Variants in HS3ST1 observed in about 807,000 individuals in gnomAD.
The protein encoded by HS3ST1 is heparan sulfate glucosamine 3-O-sulfotransferase 1.
Under a neutral mutation model 20.7 loss-of-function variants are expected in HS3ST1, and 8 were observed. The ratio of observed to expected loss-of-function variants is 0.39; its 90% CI spans 0.23 to 0.70. The LOEUF is 0.70. Among genes scored for constraint, HS3ST1 ranks in the 30% least tolerant of loss-of-function variants. The pLI is 0.46. For missense variants in HS3ST1, 436 were observed against 423.4 expected, an observed-to-expected ratio of 1.03 and a Z score of -0.26; for synonymous variants, 205 against 190.4, an observed-to-expected ratio of 1.08 and a Z score of -0.63.
chr4:11,417,206 T>A (rs1013123579), intron 1 of HS3ST1, among the ~76,000 whole-genome samples: 2 of 152,206 alleles, frequency 1.3e-5, no homozygotes, highest in Non-Finnish European at 2.9e-5. Flanking sequence ...TTAAACATTC[T>A]AAGTTAATCA....
chr4:11,400,062 A>C lies in HS3ST1; in HGVS notation c.-57T>G. On this transcript the variant is annotated 5_prime_UTR_variant, in exon 2 of 2. Transcript: ENST00000002596. ...GCGCCGCTGGGTCATGAAGTGCCGC[A>C]GCAGGGAAGCCTCCTAGTCAGTGGC... is the stretch of plus-strand genomic sequence containing the variant. 1 of 1,437,958 alleles carries C rather than the reference A, an allele frequency of 7.0e-7. No homozygotes were observed. Among genetic ancestry groups the C allele is most frequent in the Non-Finnish European group, 9.1e-7 (1 of 1,099,850 alleles). 89.1% of individuals were successfully genotyped at this position (1,437,958 alleles called of 1,614,324 possible).
chr4:11,398,872 A>G lies in HS3ST1; in HGVS notation c.*210T>C. On this transcript the variant is annotated 3_prime_UTR_variant, in exon 2 of 2. Transcript: ENST00000002596. Reference sequence around the variant, plus strand: ...AGAGACATATTACACAATGTTAACAACCATGAAAAACAATACAAAATGCCC... The same window carrying G: ...AGAGACATATTACACAATGTTAACAGCCATGAAAAACAATACAAAATGCCC... 4.0e-6 allele frequency: 2 copies of G among 500,540 alleles called. No homozygotes were observed. Among genetic ancestry groups the G allele is most frequent in the Non-Finnish European group, 3.5e-6 (1 of 287,706 alleles). The allele number at this position is 500,540 out of a possible 1,614,324, so 31.0% of individuals were successfully genotyped here. A position where few individuals can be genotyped will look rare whatever the true frequency, so the allele number is the denominator to read the frequency against.
upstream of HS3ST1, among the ~76,000 whole-genome samples, chr4:11,430,590 A>T (rs111434210): frequency 7.2e-5 from 11 of 152,312 alleles, no homozygotes; most frequent in African/African-American, 2.6e-4. Context: ...TAAAGAGCTC[A>T]AAGTGCTTTG....
At chr4:11,417,884 AAT>A (rs1412758183) in intron 1 of HS3ST1, among the ~76,000 whole-genome samples, 6 of 152,324 alleles carry the variant, frequency 3.9e-5, no homozygotes, top group African/African-American at 1.4e-4. Flanking sequence ...ACAGAAGTGT[AAT>A]TGTTGCCCAA....
chr4:11,417,171 A>G (rs1433456286), intron 1 of HS3ST1, among the ~76,000 whole-genome samples: 1 of 152,238 alleles, frequency 6.6e-6, no homozygotes, highest in African/African-American at 2.4e-5. Context: ...AAGGACAGCC[A>G]GCTTTCCAGC....
intron 1 of HS3ST1, chr4:11,428,389 C>A (rs759100792): frequency 6.6e-6 from 1 of 152,248 alleles, no homozygotes; most frequent in African/African-American, 2.4e-5. Context: ...CCGGCAGGAG[C>A]GAACCTCACG....
chr4:11,417,413 C>G (rs934682409), intron 1 of HS3ST1, among the ~76,000 whole-genome samples: 2 of 152,126 alleles, frequency 1.3e-5, no homozygotes, highest in African/African-American at 4.8e-5. Flanking sequence ...CATCCTCTTA[C>G]AATTTCATCT....
At chr4:11,426,853 A>G (rs1457225309) in intron 1 of HS3ST1, among the ~76,000 whole-genome samples, 2 of 152,216 alleles carry the variant, frequency 1.3e-5, no homozygotes, top group Non-Finnish European at 2.9e-5. Flanking sequence ...GTCCATTTCA[A>G]TATGTTATTT....
chr4:11,427,947 C>G (rs1405149410), intron 1 of HS3ST1, among the ~76,000 whole-genome samples: 4 of 152,202 alleles, frequency 2.6e-5, no homozygotes, highest in Non-Finnish European at 4.4e-5. Flanking sequence ...AGGTCAAGCT[C>G]CGCGAATAAG....
At chr4:11,416,668 G>C (rs1189453442) in intron 1 of HS3ST1, among the ~76,000 whole-genome samples, 1 of 152,218 alleles carries the variant, frequency 6.6e-6, no homozygotes, top group Non-Finnish European at 1.5e-5. Context: ...CCAGTCACCA[G>C]GCTGGTGGGG....
intron 1 of HS3ST1, among the ~76,000 whole-genome samples, chr4:11,410,138 T>TA (rs1718579042): frequency 6.6e-6 from 1 of 152,220 alleles, no homozygotes; most frequent in South Asian, 2.1e-4. Context: ...CTCAAACTCT[T>TA]ACAAGACATC....
At chr4:11,416,105 C>T (rs1404272406) in intron 1 of HS3ST1, among the ~76,000 whole-genome samples, 2 of 151,984 alleles carry the variant, frequency 1.3e-5, no homozygotes, top group Non-Finnish European at 2.9e-5. Flanking sequence ...TTGACCTTAC[C>T]CAGGGGACAT....
At position 11,399,892 on chromosome 4, in the gene HS3ST1, C is replaced by G. The variant is rs1365506612; in HGVS notation, c.114G>C (p.Gln38His). The change falls in exon 2 of 2, where the codon CAG (glutamine) becomes CAC (histidine). Residue 38 changes from glutamine (Q) to histidine (H), a missense_variant. Physicochemically the swap from Gln to His is conservative, Grantham distance 24. Transcript: ENST00000002596. This position sits in a 1 kb window ranked among gnomAD's most constrained non-coding sequence, Gnocchi z 5.1. ...QELLRKAGTL[Q>H]DDVRDGVAPN... is the part of the protein sequence containing the mutation. ...GGGCCACGCCATCGCGGACGTCATC[C>G]TGGAGGGTCCCCGCTTTCCGCAGAA... is the stretch of plus-strand genomic sequence containing the variant. The G allele has an allele frequency of 2.2e-5, 36 of 1,610,626 alleles. No individual in the cohort carries two copies. The highest frequency in any genetic ancestry group is 2.8e-5 in the Non-Finnish European group (33 of 1,179,468).
At chr4:11,424,997 A>T (rs1719026698) in intron 1 of HS3ST1, among the ~76,000 whole-genome samples, 1 of 152,106 alleles carries the variant, frequency 6.6e-6, no homozygotes, top group Non-Finnish European at 1.5e-5. Flanking sequence ...GTGGAATAAG[A>T]ACAGACAGGC....
chr4:11,426,371 C>CCG (rs1553858488), intron 1 of HS3ST1, among the ~76,000 whole-genome samples: 1 of 151,464 alleles, frequency 6.6e-6, no homozygotes, highest in African/African-American at 2.4e-5. Context: ...AGGCCCCCCC[C>CCG]CCAACCCTCA....
At chr4:11,418,263 G>A (rs1364980181) in intron 1 of HS3ST1, among the ~76,000 whole-genome samples, 1 of 152,194 alleles carries the variant, frequency 6.6e-6, no homozygotes, top group Non-Finnish European at 1.5e-5. Context: ...GATGACATTT[G>A]TAATCTGCTT....
At chr4:11,411,622 CTT>C (rs1334229211) in intron 1 of HS3ST1, among the ~76,000 whole-genome samples, 1 of 152,166 alleles carries the variant, frequency 6.6e-6, no homozygotes, top group Non-Finnish European at 1.5e-5. Context: ...TCTGTAATCT[CTT>C]GTTATCTCTT....
In HS3ST1 at chr4:11,399,304, G is replaced by C; in HGVS notation, c.702C>G (p.Phe234Leu). Reference sequence around the variant, plus strand: ...CATTGATCTGCGGCGACAGCTTTAGGAACCTCTCGACCTTTTGGATCTCAG... The same window carrying C: ...CATTGATCTGCGGCGACAGCTTTAGCAACCTCTCGACCTTTTGGATCTCAG... ...PFPEIQKVER[F>L]LKLSPQINAS... The change falls in exon 2 of 2, where the codon TTC becomes TTG. Residue 234 changes from phenylalanine (F) to leucine (L), a missense_variant. Transcript: ENST00000002596. The surrounding 1 kb of genome is among the most constrained non-coding windows in gnomAD (Gnocchi z 5.1). 1 of 1,614,140 alleles carries C rather than the reference G, an allele frequency of 6.2e-7. No homozygotes were observed.
rs1425566885 is a variant in HS3ST1, at chr4:11,393,762, C to T, written c.*5320G>A. The T allele has an allele frequency of 2.0e-5, 3 of 152,244 alleles. No homozygotes were observed. The highest frequency in any genetic ancestry group is 3.8e-4 in the East Asian group (2 of 5,200). 9.4% of individuals were successfully genotyped at this position (152,244 alleles called of 1,614,324 possible). Reference sequence around the variant, plus strand: ...GGGTGGACTGTTACCCTACTACCCCCATGCCCCATCCCACATGGGTCAGTC... The same window carrying T: ...GGGTGGACTGTTACCCTACTACCCCTATGCCCCATCCCACATGGGTCAGTC... On this transcript the variant is annotated 3_prime_UTR_variant, in exon 2 of 2. Transcript: ENST00000002596.
Sources: gnomAD v4.1 joint callset for allele counts (sites outside exome capture counted in the v4.1 genomes callset) on GRCh38, gnomAD v4.1.1 for gene constraint, Gnocchi (gnomAD v3.1) non-coding constraint, MANE v1.5 for transcripts, NCBI Gene and HGNC (gene_info 2026-07-23, HGNC 2026-07-21) for gene names.